Variants in PDZD4 observed in about 807,000 individuals in gnomAD.
PDZD4 encodes PDZ domain containing 4.
PDZD4 carries 9 observed loss-of-function variants against 38.5 expected under a neutral mutation model. That is an observed-to-expected ratio of 0.23 (90% CI 0.14 to 0.41). The LOEUF (loss-of-function observed/expected upper bound fraction) is 0.41, where lower values mean the gene tolerates loss of function less well. Ranked by LOEUF, PDZD4 falls within the 10% of genes least tolerant of loss-of-function variation. The pLI is 1.00. For synonymous variants in PDZD4, 349 were observed against 315.7 expected (o/e 1.11, Z -1.12); for missense variants, 612 against 722.0 (o/e 0.85, Z 1.75).
At chrX:153,829,183 C>G (rs972002303) in intron 1 of PDZD4, among the ~76,000 whole-genome samples, 43 of 109,473 alleles carry the variant, frequency 3.9e-4, no homozygotes, top group Non-Finnish European at 6.1e-4. Context: ...GGGAATTCTC[C>G]CCCGTGCCCA....
intron 1 of PDZD4, among the ~76,000 whole-genome samples, chrX:153,817,008 G>A (rs2064369922): frequency 1.8e-5 from 2 of 110,946 alleles, no homozygotes; most frequent in South Asian, 3.8e-4. Flanking sequence ...CGTCAGCACC[G>A]GCCAGTACGC....
chrX:153,805,479 C>CG lies in PDZD4; in HGVS notation c.669+25dup, dbSNP rs782623327. Reference sequence around the variant, plus strand: ...GACAGAAAGCCTGATGTCGTGGCCCCGGGTCGCCCTGCCAGGCATACACAC... The same window carrying CG: ...GACAGAAAGCCTGATGTCGTGGCCCCGGGGTCGCCCTGCCAGGCATACACAC... On this transcript the variant is annotated intron_variant, in intron 6 of 7. Transcript: ENST00000393758. The CG allele has an allele frequency of 1.0e-4, 118 of 1,147,316 alleles. No homozygotes were observed. The African/African-American group carries it at 1.7e-3, about 17-fold the overall frequency. The allele number at this position is 1,147,316 out of a possible 1,213,427, so 94.6% of individuals were successfully genotyped here. A position where few individuals can be genotyped will look rare whatever the true frequency, so the allele number is the denominator to read the frequency against.
At chrX:153,830,126 C>T in intron 1 of PDZD4, 113 bp downstream of exon 1, 1 of 738,088 alleles carries the variant, frequency 1.4e-6, no homozygotes, top group Non-Finnish European at 1.9e-6. Context: ...CGGCTCCCTA[C>T]CTTGTCCTCC....
rs782361368 is a variant in PDZD4, at chrX:153,807,793, A to G, written c.315-424T>C. On this transcript the variant is annotated intron_variant, in intron 2 of 7. Coordinates refer to ENST00000393758, the MANE Select transcript of PDZD4 (RefSeq NM_001303512.2). ...GCAGAGGGGGGCCCACCCTACCTCC[A>G]GGGGCTGCCCTCCTGGCCCCAAAAC... The G allele has an allele frequency of 1.7e-5, 16 of 926,249 alleles. No homozygotes were observed. The Admixed American group carries it at 4.9e-4, about 28-fold the overall frequency. The allele number at this position is 926,249 out of a possible 1,213,427, so 76.3% of individuals were successfully genotyped here. A position where few individuals can be genotyped will look rare whatever the true frequency, so the allele number is the denominator to read the frequency against.
At position 153,804,681 on chromosome X, in the gene PDZD4, G is replaced by T; in HGVS notation, c.1000C>A (p.His334Asn). 2 of 1,141,042 alleles carry T rather than the reference G, an allele frequency of 1.8e-6. No homozygotes were observed. Among genetic ancestry groups the T allele is most frequent in the African/African-American group, 3.6e-5 (2 of 55,379 alleles). The allele number at this position is 1,141,042 out of a possible 1,213,427, so 94.0% of individuals were successfully genotyped here. Residue 334 changes from histidine (H) to asparagine (N), a missense_variant, in exon 8 of 8, where the codon CAT (histidine) becomes AAT (asparagine). By Grantham distance (68) the His-to-Asn change is moderately conservative. This residue lies in a region of PDZD4 where 225 missense variants were observed against 311.0 expected (regional missense o/e 0.72). Coordinates refer to ENST00000393758, the MANE Select transcript of PDZD4 (RefSeq NM_001303512.2). ...GCCAGCAGAGAGTCCATGCTGAAAT[G>T]GAAGTCCCGGCTCTGCAGGGCGTCC... ...QGDALQSRDF[H>N]FSMDSLLAEG...
At chrX:153,804,942 A>T in intron 7 of PDZD4, 42 bp from the exon 8 acceptor site, 1 of 1,168,406 alleles carries the variant, frequency 8.6e-7, no homozygotes, top group Non-Finnish European at 1.2e-6. Context: ...GGTCCCACGG[A>T]CAGGGATGTC....
chrX:153,804,221 G>A lies in PDZD4; in HGVS notation c.1460C>T (p.Pro487Leu). The change falls in exon 8 of 8, where the codon CCG (proline) becomes CTG (leucine). Residue 487 changes from proline to leucine, a missense_variant. This residue lies in a region of PDZD4 where 300 missense variants were observed against 284.6 expected (regional missense o/e 1.05). Transcript: ENST00000393758. ...CTCGGGCAGGGGCTCCACAAGCAGCGGGGTGCTGCGGCAGCTCTCCCCAGT... is the reference window on the plus strand; with the variant it reads ...CTCGGGCAGGGGCTCCACAAGCAGCAGGGTGCTGCGGCAGCTCTCCCCAGT... ...YNTGESCRST[P>L]LLVEPLPESP... The A allele has an allele frequency of 8.3e-7, 1 of 1,205,301 alleles. No homozygotes were observed. Among genetic ancestry groups the A allele is most frequent in the African/African-American group, 1.7e-5 (1 of 57,883 alleles).
At chrX:153,817,499 G>A (rs1376826973) in intron 1 of PDZD4, among the ~76,000 whole-genome samples, 3 of 111,625 alleles carry the variant, frequency 2.7e-5, no homozygotes, top group Non-Finnish European at 3.8e-5. Flanking sequence ...AGGCAAAGAG[G>A]CAGACAGAAA....
chrX:153,809,258 A>C (rs1410429317), intron 1 of PDZD4, among the ~76,000 whole-genome samples: 1 of 112,649 alleles, frequency 8.9e-6, no homozygotes, highest in Non-Finnish European at 1.9e-5. Context: ...ACTGCAAAGT[A>C]GCCTAAAAGA....
rs199823164 is a variant in PDZD4, at chrX:153,803,663, A to G, written c.2018T>C (p.Val673Ala). 230 of 1,208,534 alleles carry G rather than the reference A, an allele frequency of 1.9e-4. 1 individual carries two copies. Among genetic ancestry groups the G allele is most frequent in the Non-Finnish European group, 5.1e-5 (46 of 895,156 alleles). ...GTAGCGGCCCATCTTCATCTCGCTCACCGCGTCGTCGTCGGTCGTCATACC... is the reference window on the plus strand; with the variant it reads ...GTAGCGGCCCATCTTCATCTCGCTCGCCGCGTCGTCGTCGGTCGTCATACC... ...RSGMTTDDDA[V>A]SEMKMGRYWS... Residue 673 changes from valine to alanine, a missense_variant, in exon 8 of 8, where the codon GTG becomes GCG. Coordinates refer to ENST00000393758, the MANE Select transcript of PDZD4 (RefSeq NM_001303512.2).
At chrX:153,821,877 C>T (rs1049236255) in intron 1 of PDZD4, among the ~76,000 whole-genome samples, 2 of 111,661 alleles carry the variant, frequency 1.8e-5, no homozygotes, top group African/African-American at 6.5e-5. Flanking sequence ...TCTCAGACAC[C>T]TCCATAGTCC....
chrX:153,808,405 A>T lies in PDZD4; in HGVS notation c.251T>A (p.Leu84Gln). ...TDITFEHIMA[L>Q]GKLRPPTPPM... is the part of the protein sequence containing the mutation. Reference sequence around the variant, plus strand: ...CGGGGTGGGCGGACGCAGCTTGCCCAGCGCCATGATATGCTCGAAGGTGAT... The same window carrying T: ...CGGGGTGGGCGGACGCAGCTTGCCCTGCGCCATGATATGCTCGAAGGTGAT... Residue 84 changes from leucine to glutamine, a missense_variant, in exon 2 of 8, where the codon CTG (leucine) becomes CAG (glutamine). Leu to Gln is a moderately radical substitution (Grantham distance 113, BLOSUM62 -2). This residue lies in a region of PDZD4 where 225 missense variants were observed against 311.0 expected (regional missense o/e 0.72). Transcript: ENST00000393758. 1 of 1,211,152 alleles carries T rather than the reference A, an allele frequency of 8.3e-7. No individual in the cohort carries two copies. The highest frequency in any genetic ancestry group is 1.1e-6 in the Non-Finnish European group (1 of 895,434).
chrX:153,803,178 A>T lies in PDZD4; in HGVS notation c.*175T>A. On this transcript the variant is annotated 3_prime_UTR_variant, in exon 8 of 8. Transcript: ENST00000393758. ...AGGAAGAAAAGCGTCCCTTCTCCTC[A>T]GGGGCTTCTCTCTGCTAACAAAGCC... 3.1e-6 allele frequency: 1 copy of T among 326,557 alleles called. No individual in the cohort carries two copies. Among genetic ancestry groups the T allele is most frequent in the Non-Finnish European group, 5.1e-6 (1 of 195,264 alleles). The allele number at this position is 326,557 out of a possible 1,213,427, so 26.9% of individuals were successfully genotyped here.
At chrX:153,816,999 G>A (rs185333220) in intron 1 of PDZD4, among the ~76,000 whole-genome samples, 3 of 110,934 alleles carry the variant, frequency 2.7e-5, no homozygotes, top group Admixed American at 1.9e-4. Flanking sequence ...GAAAAGACGC[G>A]TCAGCACCGG....
chrX:153,823,852 C>T (rs2064453259), intron 1 of PDZD4, among the ~76,000 whole-genome samples: 1 of 112,787 alleles, frequency 8.9e-6, no homozygotes, highest in Admixed American at 9.3e-5. Context: ...CCTGGCCACA[C>T]AGCTGTCAGT....
chrX:153,820,023 C>A (rs2064405290), intron 1 of PDZD4, among the ~76,000 whole-genome samples: 1 of 111,719 alleles, frequency 9.0e-6, no homozygotes, highest in African/African-American at 3.3e-5. Flanking sequence ...CCCCAGCTGT[C>A]CCGCTAACAC....
intron 1 of PDZD4, among the ~76,000 whole-genome samples, chrX:153,812,432 G>C (rs2064318759): frequency 9.1e-6 from 1 of 110,189 alleles, no homozygotes; most frequent in Non-Finnish European, 1.9e-5. Context: ...CCGAGCAGCA[G>C]TGTTGCTATG....
intron 1 of PDZD4, among the ~76,000 whole-genome samples, chrX:153,816,728 TA>T (rs2064366886): frequency 9.0e-6 from 1 of 111,599 alleles, no homozygotes; most frequent in South Asian, 3.7e-4. Flanking sequence ...AGCTGAGACC[TA>T]AATGATGACA....
At chrX:153,823,666 A>G (rs1319503251) in intron 1 of PDZD4, among the ~76,000 whole-genome samples, 1 of 112,329 alleles carries the variant, frequency 8.9e-6, no homozygotes, top group Non-Finnish European at 1.9e-5. Context: ...TCCACTTCTT[A>G]ATGACCAACT....
Sources: gnomAD v4.1 joint callset for allele counts (sites outside exome capture counted in the v4.1 genomes callset) on GRCh38, gnomAD v4.1.1 for gene constraint, gnomAD v4.1.1 regional missense constraint, MANE v1.5 for transcripts, NCBI Gene and HGNC (gene_info 2026-07-23, HGNC 2026-07-21) for gene names.